Variants in SGCZ observed in about 807,000 individuals in gnomAD.
SGCZ encodes sarcoglycan zeta, also known as zeta-sarcoglycan.
A neutral mutation model predicts 41.3 loss-of-function variants in SGCZ; 40 were observed. The ratio of observed to expected loss-of-function variants is 0.97; its 90% CI spans 0.75 to 1.26. SGCZ has a LOEUF of 1.26. Ranked by LOEUF, SGCZ falls within the 50% of genes most tolerant of loss-of-function variation. The pLI, the probability that SGCZ is intolerant of heterozygous loss-of-function variation, is 0.00. For missense variants in SGCZ, 552 were observed against 369.8 expected (o/e 1.49, Z -4.04); for synonymous variants, 206 against 137.5 (o/e 1.50, Z -3.49).
In SGCZ at chr8:14,574,686, A is replaced by C. The variant is rs183857905; in HGVS notation, c.40-19760T>G. Reference sequence around the variant, plus strand: ...TTTGGGGCTTCAATCTGAACACTCCATGGTCATGTAAAACTGTGGTCAAAT... The same window carrying C: ...TTTGGGGCTTCAATCTGAACACTCCCTGGTCATGTAAAACTGTGGTCAAAT... On this transcript the variant is annotated intron_variant, in intron 1 of 7. Coordinates refer to ENST00000382080, the MANE Select transcript of SGCZ (RefSeq NM_139167.4). Among the ~76,000 whole-genome samples the C allele has an allele frequency of 1.1e-3, 161 of 152,326 alleles. 1 individual carries two copies. The highest frequency in any genetic ancestry group is 3.7e-3 in the African/African-American group (154 of 41,568).
intron 3 of SGCZ, among the ~76,000 whole-genome samples, chr8:14,313,574 G>A (rs1252612391): frequency 1.3e-5 from 2 of 152,092 alleles, no homozygotes; most frequent in Non-Finnish European, 2.9e-5. Context: ...GACCTCAAGT[G>A]GTCCACCTTC....
intron 1 of SGCZ, among the ~76,000 whole-genome samples, chr8:14,837,644 G>A (rs1402093826): frequency 1.3e-5 from 2 of 151,940 alleles, no homozygotes; most frequent in Admixed American, 6.6e-5. Flanking sequence ...GATGTAGAAG[G>A]GTCTTCATTC....
chr8:14,227,595 T>G (rs958629853), intron 4 of SGCZ, among the ~76,000 whole-genome samples: 3 of 152,232 alleles, frequency 2.0e-5, no homozygotes, highest in African/African-American at 7.2e-5. Context: ...AATTCAGAAC[T>G]GATTAAATAT....
chr8:14,708,408 A>C (rs1158949458), intron 1 of SGCZ, among the ~76,000 whole-genome samples: 1 of 152,044 alleles, frequency 6.6e-6, no homozygotes. Context: ...ATATTTTAAA[A>C]ACAGGCAGTC....
At chr8:14,798,596 G>C (rs2246639) in intron 1 of SGCZ, among the ~76,000 whole-genome samples, 68,033 of 151,992 alleles carry the variant, frequency 0.45, 15,868 homozygotes, top group East Asian at 0.73. Context: ...ACTTTATACT[G>C]TACTAACTTG....
In SGCZ at chr8:14,324,166, G is replaced by C; in HGVS notation, c.273C>G (p.Ile91Met). The C allele has an allele frequency of 6.2e-7, 1 of 1,612,878 alleles. No homozygotes were observed. Among genetic ancestry groups the C allele is most frequent in the Non-Finnish European group, 8.5e-7 (1 of 1,179,410 alleles). The change falls in exon 3 of 8, where the codon ATC becomes ATG. Residue 91 changes from isoleucine to methionine, a missense_variant. By Grantham distance (10) the Ile-to-Met change is conservative. Transcript: ENST00000382080. ...MGNLRVTKKG[I>M]RLEGISEFLL... ...GAAACTCAGATATACCTTCAAGTCGGATTCCCTTCTTGGTGACTCTCAGAT... is the reference window on the plus strand; with the variant it reads ...GAAACTCAGATATACCTTCAAGTCGCATTCCCTTCTTGGTGACTCTCAGAT...
intron 2 of SGCZ, among the ~76,000 whole-genome samples, chr8:14,528,400 C>T (rs1803018556): frequency 6.6e-6 from 1 of 152,078 alleles, no homozygotes; most frequent in Non-Finnish European, 1.5e-5. Context: ...GTGTTCACAT[C>T]ACTCCAGATT....
At position 14,624,592 on chromosome 8, in the gene SGCZ, A is replaced by T. The variant is rs6984929; in HGVS notation, c.40-69666T>A. Among the ~76,000 whole-genome samples the T allele has an allele frequency of 5.6e-3, 548 of 97,080 alleles. 7 individuals carry two copies. Among genetic ancestry groups the T allele is most frequent in the Middle Eastern group, 0.033 (3 of 92 alleles). 63.7% of individuals were successfully genotyped at this position (97,080 alleles called of 152,430 possible). A position where few individuals can be genotyped will look rare whatever the true frequency, so the allele number is the denominator to read the frequency against. Reference sequence around the variant, plus strand: ...TTTTTTTTTTTTTTTTTTTTTTGAGACGGAGTCTCGCTCTGTCGCCCAGGC... The same window carrying T: ...TTTTTTTTTTTTTTTTTTTTTTGAGTCGGAGTCTCGCTCTGTCGCCCAGGC... On this transcript the variant is annotated intron_variant, in intron 1 of 7. Coordinates refer to ENST00000382080, the MANE Select transcript of SGCZ (RefSeq NM_139167.4).
At chr8:15,153,824 TTATAAA>T (rs1292088302) in intron 1 of SGCZ, among the ~76,000 whole-genome samples, 1 of 152,126 alleles carries the variant, frequency 6.6e-6, no homozygotes, top group Non-Finnish European at 1.5e-5. Context: ...CTGTGTTTAA[TTATAAA>T]TTAAATTTAT....
At chr8:14,433,606 T>A (rs1034156119) in intron 2 of SGCZ, among the ~76,000 whole-genome samples, 2 of 152,146 alleles carry the variant, frequency 1.3e-5, no homozygotes, top group Non-Finnish European at 2.9e-5. Flanking sequence ...TCTAATTTCT[T>A]GATGGATAAT....
chr8:15,140,322 G>T (rs569925511), intron 1 of SGCZ, among the ~76,000 whole-genome samples: 1 of 152,150 alleles, frequency 6.6e-6, no homozygotes, highest in Non-Finnish European at 1.5e-5. Flanking sequence ...ACCGTGCCCA[G>T]TCATTATAGA....
At chr8:14,193,606 T>A (rs1391860625) in intron 4 of SGCZ, among the ~76,000 whole-genome samples, 1 of 152,096 alleles carries the variant, frequency 6.6e-6, no homozygotes, top group Non-Finnish European at 1.5e-5. Flanking sequence ...TAAAATTGTA[T>A]TCTAAATGTA....
chr8:14,610,240 CA>C (rs1805883559), intron 1 of SGCZ, among the ~76,000 whole-genome samples: 1 of 152,126 alleles, frequency 6.6e-6, no homozygotes, highest in African/African-American at 2.4e-5. Flanking sequence ...ACTTGAGAAA[CA>C]GTAGATGTAA....
At chr8:14,165,817 T>C (rs560294255) in intron 4 of SGCZ, among the ~76,000 whole-genome samples, 1 of 152,224 alleles carries the variant, frequency 6.6e-6, no homozygotes, top group African/African-American at 2.4e-5. Context: ...CATCCTTAAA[T>C]TGGGAGATGT....
In SGCZ at chr8:14,325,719, TACAC is replaced by T. The variant is rs371412533; in HGVS notation, c.235-1519_235-1516del. Among the ~76,000 whole-genome samples, 120 of 87,764 alleles carry T rather than the reference TACAC, an allele frequency of 1.4e-3. 1 individual carries two copies. Among genetic ancestry groups the T allele is most frequent in the East Asian group, 3.3e-3 (11 of 3,288 alleles). 57.6% of individuals were successfully genotyped at this position (87,764 alleles called of 152,430 possible). On this transcript the variant is annotated intron_variant, in intron 2 of 7. Coordinates refer to ENST00000382080, the MANE Select transcript of SGCZ (RefSeq NM_139167.4). ...ATATAATTATATATACATATCTGTA[TACAC>T]ACACACACACACACACACACACACA...
chr8:14,924,488 G>T (rs1178626001), intron 1 of SGCZ, among the ~76,000 whole-genome samples: 1 of 151,882 alleles, frequency 6.6e-6, no homozygotes, highest in African/African-American at 2.4e-5. Context: ...TTTATATTTT[G>T]TGGTATTCTT....
chr8:15,132,747 T>G (rs2116977137), intron 1 of SGCZ, among the ~76,000 whole-genome samples: 1 of 152,302 alleles, frequency 6.6e-6, no homozygotes, highest in Non-Finnish European at 1.5e-5. Flanking sequence ...GGCATGTGTT[T>G]ACACCATGGC....
At chr8:14,647,105 T>G (rs1276390148) in intron 1 of SGCZ, among the ~76,000 whole-genome samples, 1 of 151,962 alleles carries the variant, frequency 6.6e-6, no homozygotes, top group Non-Finnish European at 1.5e-5. Flanking sequence ...TGCTGCATAC[T>G]CCAATCCCCC....
intron 3 of SGCZ, among the ~76,000 whole-genome samples, chr8:14,311,511 C>A (rs970571880): frequency 6.6e-6 from 1 of 152,094 alleles, no homozygotes; most frequent in Non-Finnish European, 1.5e-5. Context: ...TAGATCTCTT[C>A]AAATCTTTTT....
Sources: gnomAD v4.1 joint callset for allele counts (sites outside exome capture counted in the v4.1 genomes callset) on GRCh38, gnomAD v4.1.1 for gene constraint, MANE v1.5 for transcripts, NCBI Gene and HGNC (gene_info 2026-07-23, HGNC 2026-07-21) for gene names.